Variants in SORCS2 observed in about 807,000 individuals in gnomAD.
SORCS2 encodes VPS10 domain-containing receptor SorCS2.
Under a neutral mutation model 141.6 loss-of-function variants are expected in SORCS2, and 100 were observed. The observed-to-expected ratio is 0.71, with a 90% CI of 0.60 to 0.83. The LOEUF (loss-of-function observed/expected upper bound fraction) is 0.83, where lower values mean the gene tolerates loss of function less well. SORCS2 is among the 40% of genes least tolerant of loss of function. SORCS2 has a pLI of 0.00. For missense variants in SORCS2, 1,646 were observed against 1,560.2 expected (o/e 1.05, Z -0.93); for synonymous variants, 789 against 676.9 (o/e 1.17, Z -2.57).
intron 19 of SORCS2, among the ~76,000 whole-genome samples, chr4:7,724,889 T>TTATGGTGAGGA (rs1727062159): frequency 5.1e-5 from 2 of 38,896 alleles, no homozygotes; most frequent in South Asian, 1.8e-3. Context: ...GGTGGTGGTG[T>TTATGGTGAGGA]TGGTGATGGT....
intron 1 of SORCS2, among the ~76,000 whole-genome samples, chr4:7,348,586 T>C (rs1470451038): frequency 1.3e-5 from 2 of 152,202 alleles, no homozygotes; most frequent in African/African-American, 4.8e-5. Flanking sequence ...AGTTTCACTC[T>C]TGTTGCCCAG....
intron 1 of SORCS2, among the ~76,000 whole-genome samples, chr4:7,365,323 A>C (rs1338164753): frequency 6.6e-6 from 1 of 151,926 alleles, no homozygotes; most frequent in East Asian, 1.9e-4. Context: ...AGGAGGGCGC[A>C]AGGTTTGGGG....
At chr4:7,704,008 AAGCAGATGTGATATG>A (rs1725252045) in intron 13 of SORCS2, among the ~76,000 whole-genome samples, 154 bp from the exon 14 acceptor site, 1 of 152,104 alleles carries the variant, frequency 6.6e-6, no homozygotes, top group Non-Finnish European at 1.5e-5. Context: ...GATGTAACAT[AAGCAGATGTGATATG>A]AGCAGATGTG....
At chr4:7,706,055 C>CCTGGACAGAGATAAGGCTGGGCTCTGT (rs1560498497) in intron 14 of SORCS2, among the ~76,000 whole-genome samples, 2 of 70,314 alleles carry the variant, frequency 2.8e-5, no homozygotes, top group Admixed American at 1.8e-4. Context: ...CTGGGCTCCG[C>CCTGGACAGAGATAAGGCTGGGCTCTGT]CTGGGCAGGG....
intron 26 of SORCS2, among the ~76,000 whole-genome samples, chr4:7,739,027 C>T (rs1448484168): frequency 3.3e-5 from 5 of 152,228 alleles, no homozygotes; most frequent in Non-Finnish European, 5.9e-5. Context: ...AGCGCTCGCT[C>T]TGTGTCAGCC....
At chr4:7,653,802 C>G (rs1281690096) in intron 4 of SORCS2, among the ~76,000 whole-genome samples, 1 of 152,200 alleles carries the variant, frequency 6.6e-6, no homozygotes, top group African/African-American at 2.4e-5. Flanking sequence ...TCCTTCCTCC[C>G]AAACGCCCTT....
intron 1 of SORCS2, among the ~76,000 whole-genome samples, chr4:7,275,272 A>C (rs11726541): frequency 6.6e-6 from 1 of 152,056 alleles, no homozygotes; most frequent in Non-Finnish European, 1.5e-5. Context: ...ACTCGAAGTC[A>C]TGGTCAAGAG....
intron 2 of SORCS2, among the ~76,000 whole-genome samples, chr4:7,517,417 T>C (rs1733058514): frequency 6.6e-6 from 1 of 152,212 alleles, no homozygotes; most frequent in Non-Finnish European, 1.5e-5. Context: ...AGAATTCCCT[T>C]TCAGATGGCT....
At chr4:7,265,329 A>G (rs1405178414) in intron 1 of SORCS2, among the ~76,000 whole-genome samples, 1 of 152,102 alleles carries the variant, frequency 6.6e-6, no homozygotes, top group African/African-American at 2.4e-5. Flanking sequence ...TGTCTCTACT[A>G]AAAATACAAA....
At chr4:7,725,572 A>G (rs34786658) in intron 20 of SORCS2, among the ~76,000 whole-genome samples, 90,179 of 152,082 alleles carry the variant, frequency 0.59, 27,799 homozygotes, top group African/African-American at 0.77. Context: ...GGTAGAAGTC[A>G]CAGAGGCAGG....
intron 3 of SORCS2, among the ~76,000 whole-genome samples, chr4:7,612,238 A>G (rs576234081): frequency 7.2e-5 from 11 of 152,310 alleles, no homozygotes; most frequent in African/African-American, 2.4e-4. Flanking sequence ...CACAACAGGA[A>G]TCCAAAATGG....
intron 3 of SORCS2, among the ~76,000 whole-genome samples, chr4:7,628,989 T>G (rs1719699620): frequency 6.6e-6 from 1 of 152,174 alleles, no homozygotes; most frequent in African/African-American, 2.4e-5. Context: ...GATGGTGTGC[T>G]GAGGAAGGGC....
intron 19 of SORCS2, among the ~76,000 whole-genome samples, chr4:7,724,855 G>T (rs200411207): frequency 1.8e-4 from 8 of 45,134 alleles, no homozygotes; most frequent in South Asian, 8.5e-4. Context: ...TGGTGGTAGT[G>T]GTGATGGTGG....
intron 1 of SORCS2, among the ~76,000 whole-genome samples, chr4:7,210,714 G>T (rs960790363): frequency 6.6e-6 from 1 of 152,240 alleles, no homozygotes; most frequent in Non-Finnish European, 1.5e-5. Flanking sequence ...AAATGCAGGT[G>T]TATGGTGCCC....
intron 2 of SORCS2, among the ~76,000 whole-genome samples, chr4:7,436,276 C>T (rs1401068024): frequency 2.6e-5 from 4 of 152,232 alleles, no homozygotes; most frequent in South Asian, 2.1e-4. Flanking sequence ...GGACTTGGCT[C>T]AGCCAAGCAC....
chr4:7,297,611 A>G (rs1717165065), intron 1 of SORCS2, among the ~76,000 whole-genome samples: 2 of 152,216 alleles, frequency 1.3e-5, no homozygotes, highest in Non-Finnish European at 2.9e-5. Flanking sequence ...CCCCGAGTTC[A>G]AGGGCTGCTG....
chr4:7,382,438 G>A (rs951686224), intron 1 of SORCS2, among the ~76,000 whole-genome samples: 1 of 152,080 alleles, frequency 6.6e-6, no homozygotes, highest in Non-Finnish European at 1.5e-5. Context: ...CCCCTCCTGA[G>A]ACAGCCCCAG....
chr4:7,468,151 A>G (rs536347403), intron 2 of SORCS2, among the ~76,000 whole-genome samples: 20 of 152,286 alleles, frequency 1.3e-4, no homozygotes, highest in African/African-American at 4.8e-4. Context: ...CCCTCTTCTG[A>G]GCAGGCTCTG....
At chr4:7,217,627 T>G (rs905204011) in intron 1 of SORCS2, among the ~76,000 whole-genome samples, 43 of 151,804 alleles carry the variant, frequency 2.8e-4, no homozygotes, top group African/African-American at 1.0e-3. Flanking sequence ...TGGGGCAGAG[T>G]GGTGCGGCCG....
Sources: gnomAD v4.1 joint callset for allele counts (sites outside exome capture counted in the v4.1 genomes callset) on GRCh38, gnomAD v4.1.1 for gene constraint, MANE v1.5 for transcripts, NCBI Gene and HGNC (gene_info 2026-07-23, HGNC 2026-07-21) for gene names.